Variants in MAP3K15 observed in about 807,000 individuals in gnomAD.
MAP3K15 encodes the protein MAPK/ERK kinase kinase 15.
MAP3K15 carries 124 observed loss-of-function variants against 99.5 expected under a neutral mutation model. That is an observed-to-expected ratio of 1.25 (90% CI 1.08 to 1.45). MAP3K15 has a LOEUF of 1.45. Ranked by LOEUF, MAP3K15 falls within the 40% of genes most tolerant of loss-of-function variation. The pLI is 0.00. For synonymous variants in MAP3K15, 494 were observed against 439.6 expected, an observed-to-expected ratio of 1.12 and a Z score of -1.55; for missense variants, 1,242 against 1,079.7, an observed-to-expected ratio of 1.15 and a Z score of -2.11.
intron 3 of MAP3K15, among the ~76,000 whole-genome samples, chrX:19,477,293 G>C (rs1300689572): frequency 1.8e-5 from 2 of 111,469 alleles, no homozygotes; most frequent in East Asian, 5.6e-4. Flanking sequence ...TCCAATTGAA[G>C]AGAACACACA....
At chrX:19,493,939 T>A (rs752066577) in intron 1 of MAP3K15, among the ~76,000 whole-genome samples, 1 of 110,730 alleles carries the variant, frequency 9.0e-6, no homozygotes, top group East Asian at 2.8e-4. Flanking sequence ...CAAAACAAAT[T>A]TATATATCAG....
chrX:19,371,273 G>A lies in MAP3K15; in HGVS notation c.3294+72C>T, dbSNP rs2063373273. 3.8e-6 allele frequency: 4 copies of A among 1,041,958 alleles called. No individual in the cohort carries two copies. The East Asian group carries it at 9.1e-5, about 24-fold the overall frequency. The allele number at this position is 1,041,958 out of a possible 1,213,427, so 85.9% of individuals were successfully genotyped here. ...AGGTGTATACAGTTAAGAAGAGATG[G>A]GGGCTATGGGAGGAGGTGGTAACTG... On this transcript the variant is annotated intron_variant, in intron 23 of 28. Transcript: ENST00000338883.
intron 19 of MAP3K15, among the ~76,000 whole-genome samples, chrX:19,378,656 G>A (rs1489971809): frequency 1.8e-5 from 2 of 111,446 alleles, no homozygotes; most frequent in East Asian, 2.8e-4. Flanking sequence ...AGATTTGGGT[G>A]GGGACATGGC....
At position 19,392,342 on chromosome X, in the gene MAP3K15, C is replaced by A. The variant is rs150236554; in HGVS notation, c.2325+1G>T. The A allele has an allele frequency of 1.3e-4, 157 of 1,203,546 alleles. 1 individual carries two copies. In the South Asian group the frequency reaches 1.8e-3, roughly 14 times the overall value. ...CCTCGTCAGCTTAAAAAAGCAAGTACCTTTATGTCTCTGTGCACGATCTGG... is the reference window on the plus strand; with the variant it reads ...CCTCGTCAGCTTAAAAAAGCAAGTAACTTTATGTCTCTGTGCACGATCTGG... On this transcript the variant is annotated splice_donor_variant, in intron 17 of 28. Transcript: ENST00000338883. LOFTEE classifies it high-confidence loss of function.
intron 28 of MAP3K15, chrX:19,361,038 G>C (rs1034574417): frequency 3.6e-4 from 150 of 420,043 alleles, no homozygotes; most frequent in Non-Finnish European, 1.1e-4. Flanking sequence ...TCGGGAACAA[G>C]AAGGCAGGCT....
chrX:19,385,954 T>C (rs1379427437), intron 18 of MAP3K15, among the ~76,000 whole-genome samples: 1 of 111,780 alleles, frequency 8.9e-6, no homozygotes, highest in Non-Finnish European at 1.9e-5. Flanking sequence ...ATTCACAAGG[T>C]AACCATCCAC....
chrX:19,394,485 C>T (rs375691585), intron 16 of MAP3K15, among the ~76,000 whole-genome samples: 145 of 111,844 alleles, frequency 1.3e-3, no homozygotes, highest in Middle Eastern at 4.6e-3. Flanking sequence ...CAGGAACTCC[C>T]CTCCTGTGCC....
At position 19,360,562 on chromosome X, in the gene MAP3K15, C is replaced by T; in HGVS notation, c.*187G>A. ...CACTGTTTTCACAATACACACAGTTCTATGTTTATAAATAACAGGTTTCAA... is the reference window on the plus strand; with the variant it reads ...CACTGTTTTCACAATACACACAGTTTTATGTTTATAAATAACAGGTTTCAA... On this transcript the variant is annotated 3_prime_UTR_variant, in exon 29 of 29. Coordinates refer to ENST00000338883, the MANE Select transcript of MAP3K15 (RefSeq NM_001001671.4). 2.5e-6 allele frequency: 1 copy of T among 396,265 alleles called. No homozygotes were observed. Among genetic ancestry groups the T allele is most frequent in the Non-Finnish European group, 4.4e-6 (1 of 228,345 alleles). The allele number at this position is 396,265 out of a possible 1,213,427, so 32.7% of individuals were successfully genotyped here. A position where few individuals can be genotyped will look rare whatever the true frequency, so the allele number is the denominator to read the frequency against.
intron 16 of MAP3K15, among the ~76,000 whole-genome samples, chrX:19,393,310 C>T (rs775932946): frequency 2.2e-4 from 24 of 111,438 alleles, no homozygotes; most frequent in Non-Finnish European, 4.1e-4. Flanking sequence ...TTAAACCTAA[C>T]GCCGGGGATG....
At chrX:19,509,104 C>T (rs751111256) in intron 1 of MAP3K15, among the ~76,000 whole-genome samples, 174 of 109,605 alleles carry the variant, frequency 1.6e-3, no homozygotes, top group African/African-American at 5.8e-3. Flanking sequence ...GATTTAGACC[C>T]ACACAGGACC....
chrX:19,489,007 T>G, intron 1 of MAP3K15, 40 bp from the exon 2 acceptor site: 1 of 1,152,136 alleles, frequency 8.7e-7, no homozygotes, highest in African/African-American at 1.8e-5. Flanking sequence ...GGGGAGATGA[T>G]CTGTCTACTT....
intron 1 of MAP3K15, among the ~76,000 whole-genome samples, chrX:19,493,399 C>A (rs1229819976): frequency 9.1e-6 from 1 of 109,560 alleles, no homozygotes; most frequent in Non-Finnish European, 1.9e-5. Context: ...AGGAAAACTG[C>A]CTCGAATCTA....
intron 28 of MAP3K15, 105 bp from the exon 29 acceptor site, chrX:19,360,938 T>C: frequency 3.4e-6 from 2 of 590,021 alleles, no homozygotes; most frequent in Non-Finnish European, 5.3e-6. Flanking sequence ...AACATTCTCC[T>C]CACATATGGA....
Position 19,442,431 on chromosome X carries a change from C to T in MAP3K15, c.996-10823G>A, listed in dbSNP as rs926185322. Among the ~76,000 whole-genome samples, 4 of 111,345 alleles carry T rather than the reference C, an allele frequency of 3.6e-5. No individual in the cohort carries two copies. The East Asian group carries it at 8.4e-4, about 23-fold the overall frequency. ...TTTCTACTACCAAACTTTAAATTAA[C>T]TGTAGCACCCAGACACTCATTATGT... is the stretch of plus-strand genomic sequence containing the variant. On this transcript the variant is annotated intron_variant, in intron 6 of 28. Coordinates refer to ENST00000338883, the MANE Select transcript of MAP3K15 (RefSeq NM_001001671.4).
At position 19,504,395 on chromosome X, in the gene MAP3K15, C is replaced by G. The variant is rs776125805; in HGVS notation, c.361+10506G>C. On this transcript the variant is annotated intron_variant, in intron 1 of 28. Coordinates refer to ENST00000338883, the MANE Select transcript of MAP3K15 (RefSeq NM_001001671.4). ...GCTGCTCACATCGCACTGGCCAGTA[C>G]TAGTCACGAGGGCCCAAGGGATATG... Among the ~76,000 whole-genome samples the G allele has an allele frequency of 2.7e-5, 3 of 110,530 alleles. No homozygotes were observed. In the South Asian group the frequency reaches 1.2e-3, roughly 43 times the overall value.
intron 3 of MAP3K15, among the ~76,000 whole-genome samples, chrX:19,481,409 G>C (rs2064289137): frequency 9.0e-6 from 1 of 110,608 alleles, no homozygotes; most frequent in South Asian, 3.8e-4. Flanking sequence ...CTAAATGTAA[G>C]AGCTAAAACT....
chrX:19,474,863 T>C (rs2064231333), intron 3 of MAP3K15, among the ~76,000 whole-genome samples: 1 of 111,086 alleles, frequency 9.0e-6, no homozygotes, highest in Non-Finnish European at 1.9e-5. Context: ...TTAAAATATT[T>C]TGATAACTGT....
intron 9 of MAP3K15, among the ~76,000 whole-genome samples, chrX:19,422,092 G>A (rs2063792204): frequency 9.1e-6 from 1 of 109,914 alleles, no homozygotes; most frequent in Non-Finnish European, 1.9e-5. Context: ...AGAAAACCTA[G>A]GCAATACCAT....
At chrX:19,461,992 AACACACACACACAC>A (rs66666219) in intron 4 of MAP3K15, among the ~76,000 whole-genome samples, 1,616 of 100,610 alleles carry the variant, frequency 0.016, 29 homozygotes, top group East Asian at 0.1. Context: ...CTTGGTCTAA[AACACACACACACAC>A]ACACACACAC....
Sources: gnomAD v4.1 joint callset for allele counts (sites outside exome capture counted in the v4.1 genomes callset) on GRCh38, gnomAD v4.1.1 for gene constraint, MANE v1.5 for transcripts, NCBI Gene and HGNC (gene_info 2026-07-23, HGNC 2026-07-21) for gene names.